Variants in IL6ST observed in about 807,000 individuals in gnomAD.
IL6ST encodes the protein interleukin 6 cytokine family signal transducer, also known as interleukin-6 receptor subunit beta.
IL6ST carries 24 observed loss-of-function variants against 91.3 expected under a neutral mutation model. The ratio of observed to expected loss-of-function variants is 0.26; its 90% CI spans 0.19 to 0.37. The LOEUF (loss-of-function observed/expected upper bound fraction) is 0.37. Among genes scored for constraint, IL6ST ranks in the 10% least tolerant of loss-of-function variants. The pLI, the probability that IL6ST is intolerant of heterozygous loss-of-function variation, is 1.00. For synonymous variants in IL6ST, 351 were observed against 373.6 expected, an observed-to-expected ratio of 0.94 and a Z score of 0.70; for missense variants, 914 against 1,078.5, an observed-to-expected ratio of 0.85 and a Z score of 2.14.
chr5:55,956,190 C>T lies in IL6ST; in HGVS notation c.1102G>A (p.Val368Met), dbSNP rs1328461311. ...EANGKILDYE[V>M]TLTRWKSHLQ... ...TGTGATTTCCATCTTGTGAGAGTCA[C>T]TTCATAATCCAAGATTTTTCCATTG... The change falls in exon 10 of 17, where the codon GTG becomes ATG. Residue 368 changes from valine (V) to methionine (M), a missense_variant. Transcript: ENST00000381298. 2 of 1,611,938 alleles carry T rather than the reference C, an allele frequency of 1.2e-6. No homozygotes were observed. The highest frequency in any genetic ancestry group is 3.3e-5 in the Admixed American group (2 of 60,026).
At chr5:55,948,922 C>T (rs553186067) in intron 14 of IL6ST, 2 of 152,192 alleles carry the variant, frequency 1.3e-5, no homozygotes, top group East Asian at 1.9e-4. Context: ...TTCAACTAAG[C>T]TGTAAGGTCC....
chr5:55,951,994 T>C lies in IL6ST; in HGVS notation c.1634A>G (p.Asp545Gly). 6.3e-7 allele frequency: 1 copy of C among 1,580,950 alleles called. No individual in the cohort carries two copies. The highest frequency in any genetic ancestry group is 8.7e-7 in the Non-Finnish European group (1 of 1,150,080). Residue 545 changes from aspartate to glycine, a missense_variant, in exon 13 of 17, where the codon GAT (aspartate) becomes GGT (glycine). Physicochemically the swap from Asp to Gly is moderately conservative, Grantham distance 94. Coordinates refer to ENST00000381298, the MANE Select transcript of IL6ST (RefSeq NM_002184.4). ...ATTTCTGATAAATCCATTCTGAACA[T>C]CAACAGGAAGTTGGTCCCACTCTAA... Reference protein sequence around the residue: ...AVLEWDQLPVDVQNGFIRNYT... With the variant: ...AVLEWDQLPVGVQNGFIRNYT...
chr5:55,970,205 T>A (rs545255906), intron 3 of IL6ST, among the ~76,000 whole-genome samples: 2 of 152,278 alleles, frequency 1.3e-5, no homozygotes, highest in Admixed American at 1.3e-4. Context: ...AGGTCTAAAC[T>A]AAACTCTCCA....
chr5:55,994,096 ATTT>A (rs770968541), intron 1 of IL6ST: 1 of 120,742 alleles, frequency 8.3e-6, no homozygotes. Flanking sequence ...TTAACCTGTG[ATTT>A]TTTTTTTTTT....
intron 3 of IL6ST, among the ~76,000 whole-genome samples, chr5:55,973,701 T>C (rs1753097378): frequency 1.3e-5 from 2 of 152,238 alleles, no homozygotes; most frequent in Non-Finnish European, 2.9e-5. Flanking sequence ...AGTCTTGTCC[T>C]ATACAAATCA....
At chr5:55,976,144 T>C (rs1386135025) in intron 3 of IL6ST, 71 bp downstream of exon 3, 1 of 606,810 alleles carries the variant, frequency 1.6e-6, no homozygotes, top group Non-Finnish European at 2.7e-6. Context: ...ATAAGCTTAA[T>C]TATATAATAA....
chr5:55,947,581 C>T lies in IL6ST; in HGVS notation c.1849G>A (p.Glu617Lys), dbSNP rs1580791772. The T allele has an allele frequency of 1.0e-5, 7 of 686,620 alleles. No homozygotes were observed. The highest frequency in any genetic ancestry group is 3.6e-5 in the South Asian group (2 of 56,010). 42.5% of individuals were successfully genotyped at this position (686,620 alleles called of 1,614,324 possible). Residue 617 changes from glutamate (E) to lysine (K), a missense_variant, in exon 15 of 17, where the codon GAA becomes AAA. By Grantham distance (56) the Glu-to-Lys change is moderately conservative (BLOSUM62 1). Coordinates refer to ENST00000381298, the MANE Select transcript of IL6ST (RefSeq NM_002184.4). Reference protein sequence around the residue: ...TFTTPKFAQGEIEAIVVPVCL... With the variant: ...TFTTPKFAQGKIEAIVVPVCL... ...ACAGGCACGACTATGGCTTCAATTT[C>T]TCCTTGAGCTTAAAAAAAAAAAAAA... is the stretch of plus-strand genomic sequence containing the variant.
intron 14 of IL6ST, among the ~76,000 whole-genome samples, chr5:55,948,080 A>C (rs990167886): frequency 5.3e-5 from 8 of 152,224 alleles, no homozygotes; most frequent in Non-Finnish European, 1.2e-4. Context: ...TGCAACTCTC[A>C]GAAGTTTTAA....
At chr5:55,954,518 A>C (rs1474817370) in intron 11 of IL6ST, among the ~76,000 whole-genome samples, 2 of 152,244 alleles carry the variant, frequency 1.3e-5, no homozygotes, top group African/African-American at 4.8e-5. Context: ...AATCAGCAGC[A>C]AAGGTTGGAC....
At chr5:55,943,696 C>A (rs1012754389) in intron 15 of IL6ST, among the ~76,000 whole-genome samples, 8 of 152,076 alleles carry the variant, frequency 5.3e-5, no homozygotes, top group African/African-American at 1.4e-4. Flanking sequence ...AATTGTGACA[C>A]CCATTCATGA....
At position 55,969,862 on chromosome 5, in the gene IL6ST, A is replaced by G; in HGVS notation, c.65-7T>C. ...CATGGATCTAGAAGTTCACCTAAAA[A>G]GGAACAATAGAAAATATATAAATGG... On this transcript the variant is annotated splice_polypyrimidine_tract_variant and splice_region_variant and intron_variant, in intron 3 of 16. Coordinates refer to ENST00000381298, the MANE Select transcript of IL6ST (RefSeq NM_002184.4). The G allele has an allele frequency of 6.4e-7, 1 of 1,560,208 alleles. No individual in the cohort carries two copies.
chr5:55,971,375 A>C (rs920429115), intron 3 of IL6ST, among the ~76,000 whole-genome samples: 3 of 152,094 alleles, frequency 2.0e-5, no homozygotes, highest in Non-Finnish European at 4.4e-5. Context: ...TATCAGTCTG[A>C]CCTCCTTCCA....
chr5:55,993,600 A>T (rs1466839586), intron 1 of IL6ST, among the ~76,000 whole-genome samples: 1 of 152,198 alleles, frequency 6.6e-6, no homozygotes, highest in Non-Finnish European at 1.5e-5. Context: ...AATAAGAAAA[A>T]AATCCCACTA....
intron 10 of IL6ST, among the ~76,000 whole-genome samples, chr5:55,955,564 A>G (rs141338388): frequency 7.2e-5 from 11 of 152,404 alleles, no homozygotes; most frequent in African/African-American, 2.6e-4. Flanking sequence ...AGTCATATGT[A>G]TACAAAGTTC....
intron 3 of IL6ST, among the ~76,000 whole-genome samples, chr5:55,971,190 C>A (rs1437209539): frequency 6.6e-6 from 1 of 152,160 alleles, no homozygotes; most frequent in East Asian, 1.9e-4. Context: ...GCTAACAGCA[C>A]CACTCCCATC....
At position 55,941,649 on chromosome 5, in the gene IL6ST, C is replaced by A; in HGVS notation, c.2190G>T (p.Gly730=). The change falls in exon 17 of 17, where the codon GGG becomes GGT. Residue 730 remains glycine (G), a synonymous_variant. Transcript: ENST00000381298. The part of the protein sequence containing the change: ...NTEGHSSGIG[G]SSCMSSSRPS... ...GCCTAGAAGATGACATGCATGAAGA[C>A]CCCCCAATACCACTGCTGTGTCCTT... The A allele has an allele frequency of 1.2e-6, 2 of 1,613,968 alleles. No individual in the cohort carries two copies. Among genetic ancestry groups the A allele is most frequent in the Middle Eastern group, 1.7e-4 (1 of 6,032 alleles).
intron 2 of IL6ST, chr5:55,978,332 T>A (rs913376918): frequency 1.3e-5 from 2 of 152,264 alleles, no homozygotes; most frequent in African/African-American, 4.8e-5. Flanking sequence ...GAAGCATGTC[T>A]GCCATTTACT....
chr5:55,982,777 A>G lies in IL6ST; in HGVS notation c.-69T>C, dbSNP rs1278169830. On this transcript the variant is annotated 5_prime_UTR_variant, in exon 2 of 17. Transcript: ENST00000381298. ...GTAGGGATTTGAAGCTAAGTCTTCT[A>G]CTTCTAAATGTCATGCTTTTTCCAT... The G allele has an allele frequency of 2.5e-6, 1 of 398,380 alleles. No homozygotes were observed. The highest frequency in any genetic ancestry group is 4.4e-6 in the Non-Finnish European group (1 of 225,956). The allele number at this position is 398,380 out of a possible 1,614,324, so 24.7% of individuals were successfully genotyped here.
In IL6ST at chr5:55,987,502, T is replaced by G. The variant is rs559408281; in HGVS notation, c.-103-4691A>C. Among the ~76,000 whole-genome samples, 15 of 152,232 alleles carry G rather than the reference T, an allele frequency of 9.9e-5. No individual in the cohort carries two copies. The East Asian group carries it at 1.2e-3, about 12-fold the overall frequency. On this transcript the variant is annotated intron_variant, in intron 1 of 16. Transcript: ENST00000381298. ...CTAAAACTTAAAAATAACAACAAAG[T>G]GTCAGAAAACTAAGACTGAAAGAGA... is the stretch of plus-strand genomic sequence containing the variant.
Sources: allele counts gnomAD v4.1 joint callset (sites outside exome capture counted in the v4.1 genomes callset), GRCh38; gene constraint gnomAD v4.1.1; transcripts MANE v1.5; gene names NCBI Gene and HGNC (gene_info 2026-07-23, HGNC 2026-07-21).